Variants in SPTLC1 observed in about 807,000 individuals in gnomAD.
SPTLC1 encodes serine palmitoyltransferase 1.
In SPTLC1, 55 loss-of-function variants were observed where a neutral mutation model predicts 68.9. The observed-to-expected ratio is 0.80, with a 90% CI of 0.64 to 1.00. SPTLC1 has a LOEUF of 1.00. Ranked by LOEUF, SPTLC1 falls within the 50% of genes least tolerant of loss-of-function variation. The pLI is 0.00. For synonymous variants in SPTLC1, 197 were observed against 201.6 expected (o/e 0.98, Z 0.19); for missense variants, 449 against 573.1 (o/e 0.78, Z 2.21).
chr9:92,051,073 C>T (rs997664984), intron 8 of SPTLC1: 165 of 985,092 alleles, frequency 1.7e-4, no homozygotes, highest in Non-Finnish European at 1.4e-4. Flanking sequence ...CTATAATATA[C>T]GTCCTAGTAT....
intron 3 of SPTLC1, among the ~76,000 whole-genome samples, chr9:92,089,412 TCAAAAA>T (rs1171151116): frequency 1.3e-5 from 2 of 151,894 alleles, no homozygotes; most frequent in Non-Finnish European, 2.9e-5. Flanking sequence ...AAATTCTATC[TCAAAAA>T]CAAAAACAAA....
chr9:92,048,494 T>C (rs1464277067), intron 9 of SPTLC1, among the ~76,000 whole-genome samples: 1 of 152,218 alleles, frequency 6.6e-6, no homozygotes, highest in East Asian at 1.9e-4. Context: ...CCTTTCATTA[T>C]GAAAAATTTC....
At chr9:92,048,835 T>C (rs759824950) in intron 9 of SPTLC1, among the ~76,000 whole-genome samples, 2 of 152,234 alleles carry the variant, frequency 1.3e-5, no homozygotes, top group Non-Finnish European at 2.9e-5. Context: ...TTTAACAGCA[T>C]TTGTTTGAAT....
Position 92,072,263 on chromosome 9 carries a change from T to C in SPTLC1, c.428-4165A>G, listed in dbSNP as rs560649851. Among the ~76,000 whole-genome samples, 75 of 152,262 alleles carry C rather than the reference T, an allele frequency of 4.9e-4. 1 individual carries two copies. The highest frequency in any genetic ancestry group is 4.4e-3 in the Admixed American group (67 of 15,296). ...ACCAGCCCCCGCGAACACTCCCACCTCTGTCTACGGATCGGGTAAGCTGCC... is the reference window on the plus strand; with the variant it reads ...ACCAGCCCCCGCGAACACTCCCACCCCTGTCTACGGATCGGGTAAGCTGCC... On this transcript the variant is annotated intron_variant, in intron 5 of 14. Coordinates refer to ENST00000262554, the MANE Select transcript of SPTLC1 (RefSeq NM_006415.4).
chr9:92,113,899 C>T (rs376900097), intron 1 of SPTLC1, among the ~76,000 whole-genome samples: 5 of 152,152 alleles, frequency 3.3e-5, no homozygotes, highest in East Asian at 1.9e-4. Context: ...ATTTGTTCAC[C>T]GCACTATCCC....
chr9:92,079,524 G>A, intron 5 of SPTLC1: 1 of 1,613,756 alleles, frequency 6.2e-7, no homozygotes, highest in South Asian at 1.1e-5. Flanking sequence ...CCTGTTCCCG[G>A]ATTATCCATA....
intron 3 of SPTLC1, chr9:92,104,578 C>T (rs1358750034): frequency 3.0e-5 from 45 of 1,487,492 alleles, no homozygotes; most frequent in Non-Finnish European, 4.0e-5. Context: ...TCTCTTGTCT[C>T]AGAGGCAAGT....
intron 7 of SPTLC1, among the ~76,000 whole-genome samples, chr9:92,056,511 C>T (rs1833896623): frequency 6.6e-6 from 1 of 152,180 alleles, no homozygotes; most frequent in South Asian, 2.1e-4. Context: ...CAGCTTTGAG[C>T]CACCACGCCC....
intron 8 of SPTLC1, chr9:92,055,202 G>A: frequency 1.0e-6 from 1 of 984,880 alleles, no homozygotes; most frequent in Non-Finnish European, 1.2e-6. Flanking sequence ...CTCCAGCCTG[G>A]GCAACAGAGC....
At chr9:92,045,092 G>C (rs1181093622) in intron 12 of SPTLC1, among the ~76,000 whole-genome samples, 2 of 152,174 alleles carry the variant, frequency 1.3e-5, no homozygotes, top group African/African-American at 4.8e-5. Flanking sequence ...AAGAACTGCT[G>C]TTACTATCAC....
rs929149631 is a variant in SPTLC1 at position 92,059,422 on chromosome 9, C to A, written c.561-114G>T. 4.7e-6 allele frequency: 5 copies of A among 1,073,688 alleles called. No individual in the cohort carries two copies. In the African/African-American group the frequency reaches 7.8e-5, roughly 17 times the overall value. 66.5% of individuals were successfully genotyped at this position (1,073,688 alleles called of 1,614,324 possible). A position where few individuals can be genotyped will look rare whatever the true frequency, so the allele number is the denominator to read the frequency against. On this transcript the variant is annotated intron_variant, in intron 6 of 14. Transcript: ENST00000262554. ...TCACTGATTGTTAACATGAGCATAG[C>A]AAATAAATAAAACATGTTTGAATAT...
At chr9:92,097,069 G>T (rs1254487523) in intron 3 of SPTLC1, among the ~76,000 whole-genome samples, 1 of 152,160 alleles carries the variant, frequency 6.6e-6, no homozygotes, top group East Asian at 1.9e-4. Context: ...CCGATGAAAA[G>T]GTGCTCAACA....
intron 3 of SPTLC1, among the ~76,000 whole-genome samples, chr9:92,107,639 C>G (rs1003011096): frequency 6.6e-6 from 1 of 152,182 alleles, no homozygotes; most frequent in Admixed American, 6.5e-5. Flanking sequence ...GTAGTCCCAG[C>G]TCCTCGGGAG....
chr9:92,101,868 C>G (rs1316531775), intron 3 of SPTLC1, among the ~76,000 whole-genome samples: 2 of 151,722 alleles, frequency 1.3e-5, no homozygotes, highest in African/African-American at 4.8e-5. Flanking sequence ...ACACAGAAAA[C>G]TTATTTAACA....
chr9:92,077,548 A>G (rs1834725851), intron 5 of SPTLC1, among the ~76,000 whole-genome samples: 2 of 151,372 alleles, frequency 1.3e-5, no homozygotes, highest in Admixed American at 1.3e-4. Context: ...AGTCGCAAGT[A>G]CTCTCCCCCA....
intron 2 of SPTLC1, 91 bp downstream of exon 2, chr9:92,112,364 C>A: frequency 1.1e-6 from 1 of 900,532 alleles, no homozygotes; most frequent in Non-Finnish European, 1.8e-6. Flanking sequence ...TGCTTTAACA[C>A]ACATGGTTGA....
chr9:92,073,332 A>C (rs572674546), intron 5 of SPTLC1, among the ~76,000 whole-genome samples: 1 of 152,346 alleles, frequency 6.6e-6, no homozygotes, highest in Admixed American at 6.5e-5. Flanking sequence ...TCTTATGCTG[A>C]TGACTGCTGG....
chr9:92,090,033 C>A (rs1289185183), intron 3 of SPTLC1, among the ~76,000 whole-genome samples: 2 of 152,180 alleles, frequency 1.3e-5, no homozygotes, highest in Non-Finnish European at 2.9e-5. Context: ...ATACAGATTA[C>A]CTTCTCTGAA....
At position 92,032,306 on chromosome 9, in the gene SPTLC1, C is replaced by T; in HGVS notation, c.*159G>A. On this transcript the variant is annotated 3_prime_UTR_variant, in exon 15 of 15. Coordinates refer to ENST00000262554, the MANE Select transcript of SPTLC1 (RefSeq NM_006415.4). ...CTTTTTAAAAAAAATAAGCATCCTTCTCATGGTCACACAATTGGTCCATAC... is the reference window on the plus strand; with the variant it reads ...CTTTTTAAAAAAAATAAGCATCCTTTTCATGGTCACACAATTGGTCCATAC... The T allele has an allele frequency of 1.9e-6, 3 of 1,540,752 alleles. No individual in the cohort carries two copies. The highest frequency in any genetic ancestry group is 1.7e-6 in the Non-Finnish European group (2 of 1,147,870).
Sources: gnomAD v4.1 joint callset for allele counts (sites outside exome capture counted in the v4.1 genomes callset) on GRCh38, gnomAD v4.1.1 for gene constraint, MANE v1.5 for transcripts, NCBI Gene and HGNC (gene_info 2026-07-23, HGNC 2026-07-21) for gene names.